ATP8B4: variants seen among roughly 807,000 people sequenced by gnomAD.
The protein encoded by ATP8B4 is ATPase phospholipid transporting 8B4 (putative).
Under a neutral mutation model 145.6 loss-of-function variants are expected in ATP8B4, and 133 were observed. The ratio of observed to expected loss-of-function variants is 0.91; its 90% CI spans 0.79 to 1.05. The LOEUF (loss-of-function observed/expected upper bound fraction) is 1.05, where lower values mean the gene tolerates loss of function less well. ATP8B4 is among the 50% of genes least tolerant of loss of function. The probability of loss-of-function intolerance (pLI) is 0.00; values close to 1 mark genes in which losing one functional copy is unlikely to be tolerated. For synonymous variants in ATP8B4, 507 were observed against 492.9 expected, an observed-to-expected ratio of 1.03 and a Z score of -0.38; for missense variants, 1,458 against 1,425.2, an observed-to-expected ratio of 1.02 and a Z score of -0.37.
intron 14 of ATP8B4, among the ~76,000 whole-genome samples, chr15:49,954,362 C>T (rs2043367490): frequency 2.0e-5 from 3 of 152,076 alleles, no homozygotes; most frequent in African/African-American, 7.2e-5. Flanking sequence ...AGAGCTTCTG[C>T]ACAGCAAGAG....
At chr15:50,040,009 A>C (rs1364154792) in intron 5 of ATP8B4, among the ~76,000 whole-genome samples, 3 of 152,252 alleles carry the variant, frequency 2.0e-5, no homozygotes, top group Non-Finnish European at 2.9e-5. Context: ...TCTTCCTACG[A>C]GTAGAACAAC....
At chr15:50,176,961 T>C (rs1209827357) in intron 1 of ATP8B4, among the ~76,000 whole-genome samples, 1 of 152,194 alleles carries the variant, frequency 6.6e-6, no homozygotes, top group African/African-American at 2.4e-5. Context: ...ACCACCTCCA[T>C]CAAACCCTTG....
chr15:50,161,503 T>C (rs911088438), intron 1 of ATP8B4, among the ~76,000 whole-genome samples: 2 of 152,124 alleles, frequency 1.3e-5, no homozygotes, highest in Non-Finnish European at 2.9e-5. Flanking sequence ...TTTTATCTCT[T>C]ACTTTTTATT....
At chr15:49,937,339 C>T (rs548513144) in intron 14 of ATP8B4, among the ~76,000 whole-genome samples, 1 of 152,128 alleles carries the variant, frequency 6.6e-6, no homozygotes, top group Non-Finnish European at 1.5e-5. Flanking sequence ...CACAAAAACC[C>T]TCATTAGCTG....
chr15:50,073,005 T>TAC (rs2053923986), intron 3 of ATP8B4, among the ~76,000 whole-genome samples: 3 of 57,920 alleles, frequency 5.2e-5, no homozygotes, highest in African/African-American at 2.0e-4. Flanking sequence ...TATATATATA[T>TAC]ATATATATAT....
intron 1 of ATP8B4, among the ~76,000 whole-genome samples, chr15:50,144,212 T>C (rs950414032): frequency 2.0e-5 from 3 of 152,134 alleles, no homozygotes; most frequent in Non-Finnish European, 2.9e-5. Flanking sequence ...CATTTCCCAG[T>C]ATGAAAAGCC....
chr15:49,932,677 G>A (rs540264432), intron 15 of ATP8B4, among the ~76,000 whole-genome samples: 1 of 152,202 alleles, frequency 6.6e-6, no homozygotes, highest in South Asian at 2.1e-4. Context: ...CATTTGCCTT[G>A]AGGGTGTTTT....
intron 20 of ATP8B4, among the ~76,000 whole-genome samples, chr15:49,915,257 T>G (rs80332136): frequency 0.02 from 2,997 of 152,162 alleles, 98 homozygotes; most frequent in African/African-American, 0.069. Flanking sequence ...ACTAAAAAAG[T>G]TGATCTCATA....
At chr15:49,956,237 TA>T (rs1480690812) in intron 14 of ATP8B4, among the ~76,000 whole-genome samples, 1 of 152,162 alleles carries the variant, frequency 6.6e-6, no homozygotes, top group Admixed American at 6.5e-5. Context: ...AGAATAATAT[TA>T]TTTTACACTT....
intron 1 of ATP8B4, among the ~76,000 whole-genome samples, chr15:50,124,779 C>G (rs973685769): frequency 6.6e-6 from 1 of 152,122 alleles, no homozygotes; most frequent in African/African-American, 2.4e-5. Flanking sequence ...GTTATGCAAG[C>G]CCACTCACCA....
intron 2 of ATP8B4, among the ~76,000 whole-genome samples, chr15:50,075,157 A>C (rs2054095966): frequency 6.6e-6 from 1 of 152,104 alleles, no homozygotes. Context: ...CCAGAGATAA[A>C]GGAGACTGGA....
chr15:50,021,080 T>G (rs1811090219), intron 6 of ATP8B4, among the ~76,000 whole-genome samples: 1 of 152,136 alleles, frequency 6.6e-6, no homozygotes, highest in Non-Finnish European at 1.5e-5. Flanking sequence ...TATTTGTGTG[T>G]GCATGTGTGT....
chr15:49,892,487 C>T (rs2036939253), intron 23 of ATP8B4, among the ~76,000 whole-genome samples: 1 of 152,076 alleles, frequency 6.6e-6, no homozygotes, highest in African/African-American at 2.4e-5. Flanking sequence ...ACATAAAGAG[C>T]CTGTTCCTAT....
intron 20 of ATP8B4, among the ~76,000 whole-genome samples, chr15:49,913,596 A>T (rs1239259843): frequency 6.6e-6 from 1 of 152,210 alleles, no homozygotes; most frequent in Non-Finnish European, 1.5e-5. Context: ...GTTTGCAAGC[A>T]ACATGATCTT....
chr15:49,891,095 C>T (rs920473620), intron 23 of ATP8B4, among the ~76,000 whole-genome samples: 1 of 151,986 alleles, frequency 6.6e-6, no homozygotes, highest in Admixed American at 6.6e-5. Flanking sequence ...GGAGGGATGT[C>T]CTCCTTTTAC....
chr15:50,091,081 C>T (rs2055580944), intron 2 of ATP8B4, among the ~76,000 whole-genome samples: 1 of 152,084 alleles, frequency 6.6e-6, no homozygotes, highest in South Asian at 2.1e-4. Context: ...TTTAAGATTT[C>T]ATTCTGCCAT....
chr15:49,868,932 T>C (rs536545547), intron 25 of ATP8B4, among the ~76,000 whole-genome samples: 19 of 152,290 alleles, frequency 1.2e-4, no homozygotes, highest in Non-Finnish European at 2.6e-4. Context: ...ATTTTTTTGT[T>C]GTTGTTGAGA....
chr15:50,102,252 C>T (rs1190349255), intron 2 of ATP8B4, among the ~76,000 whole-genome samples: 1 of 151,394 alleles, frequency 6.6e-6, no homozygotes, highest in Non-Finnish European at 1.5e-5. Context: ...TCAGAGCACA[C>T]TAAATGAATT....
intron 3 of ATP8B4, among the ~76,000 whole-genome samples, chr15:50,071,627 A>G (rs563323225): frequency 3.9e-5 from 6 of 152,338 alleles, no homozygotes; most frequent in South Asian, 2.1e-4. Flanking sequence ...CTCCACAGTT[A>G]AAGGACTGGC....
Sources: gnomAD v4.1 joint callset for allele counts (sites outside exome capture counted in the v4.1 genomes callset) on GRCh38, gnomAD v4.1.1 for gene constraint, MANE v1.5 for transcripts, NCBI Gene and HGNC (gene_info 2026-07-23, HGNC 2026-07-21) for gene names.